Variants in CORO1C observed in about 807,000 individuals in gnomAD.
CORO1C encodes the protein coronin-1C.
A neutral mutation model predicts 51.2 loss-of-function variants in CORO1C; 14 were observed. The observed-to-expected ratio is 0.27, with a 90% CI of 0.18 to 0.43. The LOEUF (loss-of-function observed/expected upper bound fraction) is 0.43. CORO1C is among the 20% of genes least tolerant of loss of function. CORO1C has a pLI of 1.00. For synonymous variants in CORO1C, 181 were observed against 210.5 expected (o/e 0.86, Z 1.21); for missense variants, 417 against 607.8 (o/e 0.69, Z 3.30).
intron 2 of CORO1C, among the ~76,000 whole-genome samples, chr12:108,696,698 T>C (rs1306767011): frequency 2.0e-5 from 3 of 152,246 alleles, no homozygotes; most frequent in Admixed American, 6.5e-5. Flanking sequence ...CTGCTATTAT[T>C]CATCCTCTGA....
At chr12:108,663,824 A>G (rs1264142799) in intron 3 of CORO1C, among the ~76,000 whole-genome samples, 1 of 152,246 alleles carries the variant, frequency 6.6e-6, no homozygotes, top group East Asian at 1.9e-4. Flanking sequence ...AGTGAATTCT[A>G]TGTGAATTAT....
chr12:108,694,538 A>C (rs1471120958), intron 2 of CORO1C, among the ~76,000 whole-genome samples: 2 of 152,210 alleles, frequency 1.3e-5, no homozygotes, highest in South Asian at 2.1e-4. Flanking sequence ...GAAGAAAATA[A>C]AACATCACTT....
At chr12:108,684,240 T>C (rs2034223266) in intron 2 of CORO1C, among the ~76,000 whole-genome samples, 1 of 152,166 alleles carries the variant, frequency 6.6e-6, no homozygotes, top group Non-Finnish European at 1.5e-5. Context: ...TAAAACAACA[T>C]GGTCACATTT....
intron 2 of CORO1C, among the ~76,000 whole-genome samples, chr12:108,683,412 C>G (rs2034190652): frequency 7.4e-6 from 1 of 135,832 alleles, no homozygotes. Context: ...GTGCAAGACT[C>G]TGTCTCAAAA....
chr12:108,711,873 C>G (rs2035190986), intron 1 of CORO1C, among the ~76,000 whole-genome samples: 5 of 152,088 alleles, frequency 3.3e-5, no homozygotes, highest in Admixed American at 3.3e-4. Flanking sequence ...TGACATTTTT[C>G]CTGTTTATTG....
rs1313724618 is a variant in CORO1C, at chr12:108,706,189, AAAAAAAC to A, written c.-5-4873_-5-4867del. Among the ~76,000 whole-genome samples the A allele has an allele frequency of 9.2e-5, 14 of 151,488 alleles. No individual in the cohort carries two copies. The East Asian group carries it at 1.2e-3, about 13-fold the overall frequency. On this transcript the variant is annotated intron_variant, in intron 1 of 10. Transcript: ENST00000261401. ...GCAACAGAGTGAGACTCTGAATCAA[AAAAAAAC>A]AAAAAAAACAAAAAAAAAGCATTTG...
chr12:108,657,300 G>A lies in CORO1C; in HGVS notation c.750+4C>T, dbSNP rs772843096. The A allele has an allele frequency of 5.0e-5, 81 of 1,613,046 alleles. No homozygotes were observed. The highest frequency in any genetic ancestry group is 4.9e-4 in the Middle Eastern group (3 of 6,082). On this transcript the variant is annotated splice_donor_region_variant and intron_variant, in intron 6 of 10. Transcript: ENST00000261401. ...AGCAAGTGGAAAGCCTGGGGAGGGC[G>A]TACCGGATTCCAGAGAGCCAGCTGC...
In CORO1C at chr12:108,712,988, T is replaced by C. The variant is rs141513033; in HGVS notation, c.-5-11665A>G. Reference sequence around the variant, plus strand: ...GCTTTTTCAAATTTTCTAAATTAAATCCAGCAGTGACACTCAAAGAAAGAA... The same window carrying C: ...GCTTTTTCAAATTTTCTAAATTAAACCCAGCAGTGACACTCAAAGAAAGAA... On this transcript the variant is annotated intron_variant, in intron 1 of 10. Coordinates refer to ENST00000261401, the MANE Select transcript of CORO1C (RefSeq NM_014325.4). Among the ~76,000 whole-genome samples, 288 of 150,392 alleles carry C rather than the reference T, an allele frequency of 1.9e-3. 1 individual carries two copies. The highest frequency in any genetic ancestry group is 6.9e-3 in the African/African-American group (284 of 40,952).
At chr12:108,704,941 G>T (rs933299886) in intron 1 of CORO1C, among the ~76,000 whole-genome samples, 3 of 152,204 alleles carry the variant, frequency 2.0e-5, no homozygotes, top group South Asian at 2.1e-4. Flanking sequence ...ATATAAAGTT[G>T]AAGTGATCAT....
chr12:108,658,626 T>A lies in CORO1C; in HGVS notation c.630+112A>T, dbSNP rs116613120. On this transcript the variant is annotated intron_variant, in intron 5 of 10. Transcript: ENST00000261401. This position sits in a 1 kb window ranked among gnomAD's most constrained non-coding sequence, Gnocchi z 4.9. ...AGCCTTCTCTTATTCACAGTTGGTG[T>A]CTACACACAACAGGGTCCCACTGAC... The A allele has an allele frequency of 1.9e-3, 1,793 of 955,974 alleles. 11 individuals carry two copies. The highest frequency in any genetic ancestry group is 0.014 in the African/African-American group (881 of 62,022). 59.2% of individuals were successfully genotyped at this position (955,974 alleles called of 1,614,324 possible).
At chr12:108,653,566 T>C (rs2032785707) in intron 7 of CORO1C, among the ~76,000 whole-genome samples, 1 of 152,114 alleles carries the variant, frequency 6.6e-6, no homozygotes, top group Non-Finnish European at 1.5e-5. Context: ...CTAAGGGAAA[T>C]TGAGCCTACA....
At chr12:108,667,198 T>C (rs557815060) in intron 3 of CORO1C, among the ~76,000 whole-genome samples, 1 of 152,224 alleles carries the variant, frequency 6.6e-6, no homozygotes, top group Non-Finnish European at 1.5e-5. Context: ...AGTCTTGTCT[T>C]CAAATTAATT....
rs181284407 is a variant in CORO1C, at chr12:108,671,119, G to A, written c.318+7153C>T. ...AGGCCAAGGTGGGAGGAATGCTTGA[G>A]GCCACAAGTTAGAGGCCAGCCTGGA... On this transcript the variant is annotated intron_variant, in intron 3 of 10. Coordinates refer to ENST00000261401, the MANE Select transcript of CORO1C (RefSeq NM_014325.4). Among the ~76,000 whole-genome samples, 352 of 152,204 alleles carry A rather than the reference G, an allele frequency of 2.3e-3. 2 individuals carry two copies. The highest frequency in any genetic ancestry group is 3.4e-3 in the Middle Eastern group (1 of 294).
chr12:108,685,225 GATAT>G (rs779291703), intron 2 of CORO1C, among the ~76,000 whole-genome samples: 11 of 152,086 alleles, frequency 7.2e-5, no homozygotes, highest in Non-Finnish European at 1.5e-4. Context: ...CTTCAGTCAA[GATAT>G]CTGAGAATAA....
rs1200511271 is a variant in CORO1C at position 108,647,502 on chromosome 12, A to G, written c.1326T>C (p.Asp442=). The G allele has an allele frequency of 2.5e-6, 4 of 1,602,200 alleles. No homozygotes were observed. Among genetic ancestry groups the G allele is most frequent in the East Asian group, 4.5e-5 (2 of 44,740 alleles). Residue 442 remains aspartate, a synonymous_variant, in exon 11 of 11, where the codon GAT becomes GAC. Transcript: ENST00000261401. ...TAGATTTGATCTCTTTTAAAATCTCATCCAACTTGGCTTCATTTTGCTAAG... is the reference window on the plus strand; with the variant it reads ...TAGATTTGATCTCTTTTAAAATCTCGTCCAACTTGGCTTCATTTTGCTAAG... ...TASVQNEAKL[D]EILKEIKSIK...
At chr12:108,699,130 C>G (rs1222094800) in intron 2 of CORO1C, among the ~76,000 whole-genome samples, 1 of 152,196 alleles carries the variant, frequency 6.6e-6, no homozygotes, top group Non-Finnish European at 1.5e-5. Flanking sequence ...ATTTGTAAAG[C>G]AACTTATTCT....
chr12:108,694,561 A>G (rs922516554), intron 2 of CORO1C, among the ~76,000 whole-genome samples: 2 of 152,196 alleles, frequency 1.3e-5, no homozygotes, highest in African/African-American at 2.4e-5. Context: ...AGTCCCATCA[A>G]TGTTAACATT....
intron 1 of CORO1C, among the ~76,000 whole-genome samples, chr12:108,706,199 A>AC (rs1357709487): frequency 1.6e-4 from 24 of 151,802 alleles, no homozygotes; most frequent in African/African-American, 4.8e-4. Flanking sequence ...AAAAAAACAA[A>AC]AAAAACAAAA....
intron 2 of CORO1C, among the ~76,000 whole-genome samples, chr12:108,692,552 A>G (rs1192258549): frequency 1.3e-5 from 2 of 152,220 alleles, no homozygotes; most frequent in Non-Finnish European, 2.9e-5. Flanking sequence ...TAGCCCATGA[A>G]AGAAGGCACT....
Sources: allele counts gnomAD v4.1 joint callset (sites outside exome capture counted in the v4.1 genomes callset), GRCh38; gene constraint gnomAD v4.1.1; non-coding constraint Gnocchi (gnomAD v3.1); transcripts MANE v1.5; gene names NCBI Gene and HGNC (gene_info 2026-07-23, HGNC 2026-07-21).